Variants in PTPRD observed in about 807,000 individuals in gnomAD.
The protein encoded by PTPRD is protein tyrosine phosphatase receptor type D.
In PTPRD, 34 loss-of-function variants were observed where a neutral mutation model predicts 214.5. The ratio of observed to expected loss-of-function variants is 0.16; its 90% CI spans 0.12 to 0.21. PTPRD has a LOEUF of 0.21. PTPRD is among the 10% of genes least tolerant of loss of function. The pLI is 1.00. For missense variants in PTPRD, 2,545 were observed against 2,398.7 expected, an observed-to-expected ratio of 1.06 and a Z score of -1.27; for synonymous variants, 1,128 against 845.7, an observed-to-expected ratio of 1.33 and a Z score of -5.79.
intron 14 of PTPRD, among the ~76,000 whole-genome samples, chr9:8,570,233 AT>A (rs1181298130): frequency 6.6e-6 from 1 of 152,160 alleles, no homozygotes; most frequent in Non-Finnish European, 1.5e-5. Flanking sequence ...AATGGTCATA[AT>A]AAATACACTC....
rs769274947 is a variant in PTPRD, at chr9:8,389,397, T to C, written c.4221A>G (p.Gly1407=). The change falls in exon 37 of 46, where the codon GGA becomes GGG. Residue 1407 remains glycine, a synonymous_variant. Transcript: ENST00000381196. ...VLLSAIEGIP[G]SDYVNANYID... ...TGTAGTTGGCATTCACATAGTCACT[T>C]CCTGGGATCCCTGGAAAACAAGGAG... is the stretch of plus-strand genomic sequence containing the variant. 1.2e-6 allele frequency: 2 copies of C among 1,607,552 alleles called. No homozygotes were observed. Among genetic ancestry groups the C allele is most frequent in the Non-Finnish European group, 1.7e-6 (2 of 1,177,164 alleles).
intron 2 of PTPRD, among the ~76,000 whole-genome samples, chr9:10,413,186 A>G (rs1178804143): frequency 6.6e-6 from 1 of 151,848 alleles, no homozygotes; most frequent in Non-Finnish European, 1.5e-5. Context: ...TCTGCAGATG[A>G]CATGATTCTA....
chr9:8,792,385 A>G (rs1342124852), intron 11 of PTPRD, among the ~76,000 whole-genome samples: 1 of 152,194 alleles, frequency 6.6e-6, no homozygotes, highest in Non-Finnish European at 1.5e-5. Flanking sequence ...TCTAGATTCT[A>G]GTTTATACGG....
intron 3 of PTPRD, among the ~76,000 whole-genome samples, chr9:10,034,734 C>A (rs1567219005): frequency 6.6e-6 from 1 of 152,072 alleles, no homozygotes; most frequent in Non-Finnish European, 1.5e-5. Flanking sequence ...CTGCATCCAA[C>A]AAAGTCCTGC....
chr9:10,195,087 C>T (rs1208482657), intron 3 of PTPRD, among the ~76,000 whole-genome samples: 1 of 147,542 alleles, frequency 6.8e-6, no homozygotes, highest in East Asian at 2.0e-4. Context: ...CACCCGTGAC[C>T]ATACCCGGCT....
intron 9 of PTPRD, among the ~76,000 whole-genome samples, chr9:9,384,355 T>C (rs2063226922): frequency 1.8e-5 from 1 of 57,116 alleles, no homozygotes; most frequent in Admixed American, 1.8e-4. Flanking sequence ...TTTTTTTTTT[T>C]TTTTTTTTTT....
intron 11 of PTPRD, among the ~76,000 whole-genome samples, chr9:8,944,898 A>G (rs1039292348): frequency 2.4e-4 from 36 of 152,044 alleles, no homozygotes; most frequent in Admixed American, 2.2e-3. Flanking sequence ...GAGGGAGTAT[A>G]ATACAATTGG....
intron 4 of PTPRD, among the ~76,000 whole-genome samples, chr9:10,010,348 C>A (rs993895574): frequency 8.9e-6 from 1 of 112,810 alleles, no homozygotes; most frequent in African/African-American, 2.5e-5. Flanking sequence ...CGAACATGTG[C>A]GTTTATATAA....
intron 7 of PTPRD, among the ~76,000 whole-genome samples, chr9:9,589,874 G>A (rs570609550): frequency 2.6e-5 from 4 of 152,032 alleles, no homozygotes; most frequent in South Asian, 4.1e-4. Flanking sequence ...ATAAGCACAC[G>A]TACACGGGGC....
At chr9:8,516,341 T>C (rs1331745951) in intron 21 of PTPRD, among the ~76,000 whole-genome samples, 2 of 152,134 alleles carry the variant, frequency 1.3e-5, no homozygotes, top group Admixed American at 6.6e-5. Flanking sequence ...ACAACTGTGG[T>C]GAGACATATT....
chr9:10,289,796 A>G (rs1272771210), intron 3 of PTPRD, among the ~76,000 whole-genome samples: 2 of 152,202 alleles, frequency 1.3e-5, no homozygotes, highest in Admixed American at 6.5e-5. Context: ...ATAGTAAGGT[A>G]CATAGGATAT....
chr9:9,586,782 G>A (rs2092046328), intron 7 of PTPRD, among the ~76,000 whole-genome samples: 1 of 151,830 alleles, frequency 6.6e-6, no homozygotes, highest in Admixed American at 6.6e-5. Context: ...TAAAAACAGA[G>A]GGGAAAAAAG....
At chr9:10,494,705 A>T (rs941604704) in intron 2 of PTPRD, among the ~76,000 whole-genome samples, 4 of 151,078 alleles carry the variant, frequency 2.6e-5, no homozygotes, top group African/African-American at 7.3e-5. Context: ...TACGGTATAA[A>T]TGTAAGATGT....
intron 9 of PTPRD, among the ~76,000 whole-genome samples, chr9:9,392,993 C>G (rs2066423139): frequency 2.0e-5 from 3 of 152,082 alleles, no homozygotes; most frequent in African/African-American, 7.2e-5. Flanking sequence ...AGGGGAGGAG[C>G]CTGGTCTCTT....
intron 7 of PTPRD, among the ~76,000 whole-genome samples, chr9:9,689,919 C>A (rs962913442): frequency 6.6e-6 from 1 of 151,850 alleles, no homozygotes; most frequent in Non-Finnish European, 1.5e-5. Context: ...CTATATTTAA[C>A]TACTGTGAAT....
chr9:9,312,820 AC>A (rs997880911), intron 9 of PTPRD, among the ~76,000 whole-genome samples: 4 of 152,194 alleles, frequency 2.6e-5, no homozygotes, highest in African/African-American at 9.6e-5. Flanking sequence ...ATAACAATAA[AC>A]AATGCAGCAC....
chr9:10,599,780 A>C (rs145931257), intron 2 of PTPRD, among the ~76,000 whole-genome samples: 148 of 151,718 alleles, frequency 9.8e-4, no homozygotes, highest in African/African-American at 3.5e-3. Flanking sequence ...TTTCTCCTTC[A>C]CTTCTCGAAG....
At chr9:9,744,579 A>G (rs765086616) in intron 6 of PTPRD, among the ~76,000 whole-genome samples, 2 of 152,086 alleles carry the variant, frequency 1.3e-5, no homozygotes, top group Non-Finnish European at 2.9e-5. Context: ...CTCTAATGAC[A>G]TAAGTGAACA....
chr9:9,135,389 A>T (rs909802964), intron 10 of PTPRD, among the ~76,000 whole-genome samples: 2 of 152,220 alleles, frequency 1.3e-5, no homozygotes, highest in Non-Finnish European at 2.9e-5. Flanking sequence ...TTTTTGAATA[A>T]AACAGCCCAA....
Sources: allele counts gnomAD v4.1 joint callset (sites outside exome capture counted in the v4.1 genomes callset), GRCh38; gene constraint gnomAD v4.1.1; transcripts MANE v1.5; gene names NCBI Gene and HGNC (gene_info 2026-07-23, HGNC 2026-07-21).